The following GRXCR1 variants were observed in gnomAD, a reference collection of about 807,000 sequenced individuals.
GRXCR1 encodes glutaredoxin and cysteine rich domain containing 1, also known as glutaredoxin domain-containing cysteine-rich protein 1.
In GRXCR1, 27 loss-of-function variants were observed where a neutral mutation model predicts 27.3. The ratio of observed to expected loss-of-function variants is 0.99; its 90% CI spans 0.73 to 1.37. GRXCR1 has a LOEUF of 1.37. Ranked by LOEUF, GRXCR1 falls within the 40% of genes most tolerant of loss-of-function variation. The pLI is 0.00. For missense variants in GRXCR1, 379 were observed against 354.4 expected, an observed-to-expected ratio of 1.07 and a Z score of -0.56; for synonymous variants, 122 against 131.1, an observed-to-expected ratio of 0.93 and a Z score of 0.47.
At chr4:43,012,870 G>A (rs187728108) in intron 2 of GRXCR1, among the ~76,000 whole-genome samples, 38 of 152,104 alleles carry the variant, frequency 2.5e-4, no homozygotes, top group South Asian at 8.3e-4. Flanking sequence ...AAATAATCCC[G>A]TTAAAAATGT....
At chr4:42,995,512 T>C (rs1712125686) in intron 2 of GRXCR1, among the ~76,000 whole-genome samples, 1 of 152,160 alleles carries the variant, frequency 6.6e-6, no homozygotes, top group African/African-American at 2.4e-5. Context: ...AATTGCACAA[T>C]TGTGTACCAA....
At chr4:43,011,595 G>A (rs911613566) in intron 2 of GRXCR1, among the ~76,000 whole-genome samples, 3 of 152,072 alleles carry the variant, frequency 2.0e-5, no homozygotes, top group African/African-American at 7.2e-5. Context: ...CTATTGTGGG[G>A]CTCTTCGTTA....
At chr4:43,008,210 C>T (rs1186292278) in intron 2 of GRXCR1, among the ~76,000 whole-genome samples, 2 of 151,854 alleles carry the variant, frequency 1.3e-5, no homozygotes, top group East Asian at 3.9e-4. Context: ...TGTGTTTTAC[C>T]TCAGTAAGTG....
intron 2 of GRXCR1, among the ~76,000 whole-genome samples, chr4:43,002,880 A>G (rs1487347607): frequency 6.6e-6 from 1 of 152,198 alleles, no homozygotes; most frequent in Non-Finnish European, 1.5e-5. Context: ...CTTCACCCAA[A>G]TCTCATGACA....
At chr4:42,990,817 A>G (rs759713965) in intron 2 of GRXCR1, among the ~76,000 whole-genome samples, 2 of 152,120 alleles carry the variant, frequency 1.3e-5, no homozygotes, top group Non-Finnish European at 2.9e-5. Context: ...AAGAATATGT[A>G]GTCTCCTTTT....
chr4:42,961,182 A>G (rs1228662634), intron 1 of GRXCR1, among the ~76,000 whole-genome samples: 1 of 151,922 alleles, frequency 6.6e-6, no homozygotes, highest in East Asian at 1.9e-4. Context: ...ACATGATCTC[A>G]TTCATTTTCA....
intron 2 of GRXCR1, among the ~76,000 whole-genome samples, chr4:43,007,352 G>A (rs1308839569): frequency 1.3e-5 from 2 of 152,196 alleles, no homozygotes; most frequent in East Asian, 3.9e-4. Context: ...ACAGAGATGG[G>A]GTTGTGAGGT....
intron 1 of GRXCR1, among the ~76,000 whole-genome samples, chr4:42,902,998 G>C (rs1354842013): frequency 1.3e-5 from 2 of 152,222 alleles, no homozygotes; most frequent in Middle Eastern, 3.4e-3. Context: ...GTAGCTTGTT[G>C]TCAGAGTATA....
chr4:42,962,746 T>C, intron 1 of GRXCR1, 146 bp from the exon 2 acceptor site: 1 of 844,560 alleles, frequency 1.2e-6, no homozygotes, highest in Non-Finnish European at 2.0e-6. Context: ...ACAGATGTTG[T>C]AACTTAAAAA....
intron 2 of GRXCR1, among the ~76,000 whole-genome samples, chr4:42,997,166 G>T (rs953704969): frequency 1.7e-4 from 26 of 152,068 alleles, no homozygotes; most frequent in African/African-American, 6.0e-4. Flanking sequence ...ATTACCCATA[G>T]GTAAGATACA....
At chr4:42,974,704 A>G (rs921829006) in intron 2 of GRXCR1, among the ~76,000 whole-genome samples, 3 of 152,112 alleles carry the variant, frequency 2.0e-5, no homozygotes, top group Non-Finnish European at 4.4e-5. Flanking sequence ...TCAGGGTAAG[A>G]GTCGGGATTA....
chr4:42,932,910 AG>A (rs1209125198), intron 1 of GRXCR1, among the ~76,000 whole-genome samples: 2 of 151,546 alleles, frequency 1.3e-5, no homozygotes, highest in Non-Finnish European at 2.9e-5. Flanking sequence ...AGAGGAAATA[AG>A]GGGATCTGGT....
At chr4:43,012,920 C>G (rs567927411) in intron 2 of GRXCR1, among the ~76,000 whole-genome samples, 1 of 152,176 alleles carries the variant, frequency 6.6e-6, no homozygotes, top group Admixed American at 6.5e-5. Flanking sequence ...AGAAGACATG[C>G]AAGCAGACAA....
chr4:43,024,009 T>C (rs919264613), intron 3 of GRXCR1, among the ~76,000 whole-genome samples: 9 of 152,072 alleles, frequency 5.9e-5, no homozygotes, highest in Admixed American at 3.9e-4. Flanking sequence ...CTGGTGTCCA[T>C]GCAGGGAGAG....
chr4:43,028,747 T>A (rs985913467), intron 3 of GRXCR1, among the ~76,000 whole-genome samples: 1 of 152,218 alleles, frequency 6.6e-6, no homozygotes, highest in East Asian at 1.9e-4. Flanking sequence ...ACACAAAATT[T>A]AAGTGCAGTG....
At chr4:42,948,554 G>T (rs1747801248) in intron 1 of GRXCR1, among the ~76,000 whole-genome samples, 1 of 152,046 alleles carries the variant, frequency 6.6e-6, no homozygotes, top group Admixed American at 6.6e-5. Context: ...CTATAACTTG[G>T]TATTTAAAAT....
chr4:42,914,259 A>G (rs1023314634), intron 1 of GRXCR1, among the ~76,000 whole-genome samples: 1 of 152,236 alleles, frequency 6.6e-6, no homozygotes, highest in African/African-American at 2.4e-5. Context: ...CAGCCTATGA[A>G]AGCAGCTGGG....
At chr4:42,960,189 A>G (rs896855149) in intron 1 of GRXCR1, among the ~76,000 whole-genome samples, 1 of 152,008 alleles carries the variant, frequency 6.6e-6, no homozygotes, top group African/African-American at 2.4e-5. Context: ...TTCCACTTTG[A>G]CACATCTGGG....
At chr4:43,002,212 A>C (rs901990145) in intron 2 of GRXCR1, among the ~76,000 whole-genome samples, 4 of 152,282 alleles carry the variant, frequency 2.6e-5, no homozygotes, top group Non-Finnish European at 5.9e-5. Context: ...CAGACCCTTT[A>C]TGGGTGTCGG....
Sources: allele counts gnomAD v4.1 joint callset (sites outside exome capture counted in the v4.1 genomes callset), GRCh38; gene constraint gnomAD v4.1.1; transcripts MANE v1.5; gene names NCBI Gene and HGNC (gene_info 2026-07-23, HGNC 2026-07-21).